The following MAGI2 variants were observed in gnomAD, a reference collection of about 807,000 sequenced individuals.
The protein encoded by MAGI2 is membrane-associated guanylate kinase, WW and PDZ domain-containing protein 2.
MAGI2 carries 35 observed loss-of-function variants against 133.3 expected under a neutral mutation model. The observed-to-expected ratio is 0.26, with a 90% confidence interval of 0.20 to 0.35. The LOEUF is 0.35. MAGI2 is among the 10% of genes least tolerant of loss of function. The pLI, the probability that MAGI2 is intolerant of heterozygous loss-of-function variation, is 1.00. For synonymous variants in MAGI2, 729 were observed against 710.6 expected (o/e 1.03, Z -0.41); for missense variants, 1,636 against 1,863.4 (o/e 0.88, Z 2.25).
chr7:78,741,425 ACAC>A lies in MAGI2; in HGVS notation c.419-114189_419-114187del, dbSNP rs1563439155. Among the ~76,000 whole-genome samples, 254 of 108,836 alleles carry A rather than the reference ACAC, an allele frequency of 2.3e-3. 2 individuals are homozygous for A. The highest frequency in any genetic ancestry group is 9.1e-3 in the Middle Eastern group (2 of 220). The allele number at this position is 108,836 out of a possible 152,430, so 71.4% of individuals were successfully genotyped here. ...CACACACACACACACACACACACACACACGGGAGGGGGGTTAGATCATAAAAGG... is the reference window on the plus strand; with the variant it reads ...CACACACACACACACACACACACACAGGGAGGGGGGTTAGATCATAAAAGG... On this transcript the variant is annotated intron_variant, in intron 2 of 21. Transcript: ENST00000354212.
chr7:79,072,382 T>C (rs1422951190), intron 1 of MAGI2, among the ~76,000 whole-genome samples: 2 of 152,200 alleles, frequency 1.3e-5, no homozygotes, highest in African/African-American at 4.8e-5. Flanking sequence ...CCTTCTTTGG[T>C]AAATTGAAGG....
chr7:79,030,760 TCC>T (rs1810488335), intron 1 of MAGI2, among the ~76,000 whole-genome samples: 5 of 152,172 alleles, frequency 3.3e-5, no homozygotes, highest in Non-Finnish European at 5.9e-5. Flanking sequence ...AAAACAGAAA[TCC>T]CAGAATTATT....
intron 20 of MAGI2, among the ~76,000 whole-genome samples, chr7:78,085,604 A>G (rs537175542): frequency 6.6e-6 from 1 of 151,110 alleles, no homozygotes; most frequent in Admixed American, 6.6e-5. Context: ...ATCAAACCCA[A>G]AAAAGTCCCA....
chr7:78,988,848 G>A (rs1677786665), intron 2 of MAGI2, among the ~76,000 whole-genome samples: 2 of 152,028 alleles, frequency 1.3e-5, no homozygotes, highest in Non-Finnish European at 2.9e-5. Context: ...ATATGGGGAA[G>A]GATACGTTAG....
At chr7:79,336,874 A>T (rs1457893805) in intron 1 of MAGI2, among the ~76,000 whole-genome samples, 2 of 152,100 alleles carry the variant, frequency 1.3e-5, no homozygotes, top group Non-Finnish European at 2.9e-5. Flanking sequence ...GTCAAATGAT[A>T]CAAAGTAGCA....
chr7:78,393,771 C>T (rs924167004), intron 6 of MAGI2, among the ~76,000 whole-genome samples: 4 of 152,042 alleles, frequency 2.6e-5, no homozygotes, highest in Non-Finnish European at 5.9e-5. Flanking sequence ...AGTATGTGCA[C>T]GACATTGCCT....
intron 2 of MAGI2, among the ~76,000 whole-genome samples, chr7:78,753,733 C>A (rs1161601666): frequency 4.1e-5 from 6 of 148,120 alleles, no homozygotes; most frequent in Non-Finnish European, 7.6e-5. Flanking sequence ...AAAAAAAAAT[C>A]AAATCATAAC....
chr7:79,195,595 C>T (rs1181772521), intron 1 of MAGI2, among the ~76,000 whole-genome samples: 1 of 151,960 alleles, frequency 6.6e-6, no homozygotes, highest in Non-Finnish European at 1.5e-5. Context: ...TCTTCTCCCT[C>T]TCCCATCTCC....
At chr7:78,185,381 C>T in intron 13 of MAGI2, 1 of 337,688 alleles carries the variant, frequency 3.0e-6, no homozygotes, top group Middle Eastern at 8.2e-4. Context: ...GTTTTTAATC[C>T]AGCCTTTTAC....
chr7:78,939,979 A>G (rs1412762101), intron 2 of MAGI2: 1 of 152,162 alleles, frequency 6.6e-6, no homozygotes, highest in Non-Finnish European at 1.5e-5. Flanking sequence ...ACAGGCAGCC[A>G]CTTGAGCTTA....
Position 78,431,074 on chromosome 7 carries a change from C to CTGTGTGTGTGTGTG in MAGI2, c.1045+58673_1045+58686dup, listed in dbSNP as rs147567944. 9.8e-3 allele frequency among the ~76,000 whole-genome samples: 1,437 copies of CTGTGTGTGTGTGTG among 146,490 alleles called. 31 individuals carry two copies. The highest frequency in any genetic ancestry group is 0.034 in the African/African-American group (1,364 of 39,972). On this transcript the variant is annotated intron_variant, in intron 6 of 21. Coordinates refer to ENST00000354212, the MANE Select transcript of MAGI2 (RefSeq NM_012301.4). The stretch of plus-strand genomic sequence containing the variant: ...TGCCTGTTGGAATCAGTGAGGTAGG[C>CTGTGTGTGTGTGTG]TGTGTGTGTGTGTGTGTGTGTGTGT...
At chr7:78,024,941 C>A (rs1370702812) in intron 21 of MAGI2, among the ~76,000 whole-genome samples, 1 of 152,220 alleles carries the variant, frequency 6.6e-6, no homozygotes, top group African/African-American at 2.4e-5. Context: ...CAGTGATTAT[C>A]TGTATAACAT....
intron 21 of MAGI2, among the ~76,000 whole-genome samples, chr7:78,053,523 A>G (rs1812241856): frequency 1.3e-5 from 2 of 152,274 alleles, no homozygotes; most frequent in South Asian, 2.1e-4. Context: ...TTGAAGGTCA[A>G]AAAGTGAGGC....
At chr7:78,852,011 A>G (rs553404311) in intron 2 of MAGI2, among the ~76,000 whole-genome samples, 7 of 152,184 alleles carry the variant, frequency 4.6e-5, no homozygotes, top group Non-Finnish European at 1.0e-4. Context: ...CACTAGTAGT[A>G]TATGAATGCT....
intron 1 of MAGI2, among the ~76,000 whole-genome samples, chr7:79,422,296 A>C (rs1351776071): frequency 6.6e-6 from 1 of 152,010 alleles, no homozygotes; most frequent in Non-Finnish European, 1.5e-5. Flanking sequence ...TGTACTTAGC[A>C]GGGCAGGATT....
At chr7:78,800,616 A>T (rs1415101587) in intron 2 of MAGI2, among the ~76,000 whole-genome samples, 4 of 152,022 alleles carry the variant, frequency 2.6e-5, no homozygotes, top group African/African-American at 9.7e-5. Context: ...ATACATTTAC[A>T]TTTTTTCTTA....
chr7:78,910,918 A>G (rs59274958), intron 2 of MAGI2, among the ~76,000 whole-genome samples: 5,702 of 152,266 alleles, frequency 0.037, 365 homozygotes, highest in African/African-American at 0.13. Context: ...TTCCTTTGCT[A>G]CATACACACA....
At chr7:79,287,401 T>C (rs1836097860) in intron 1 of MAGI2, among the ~76,000 whole-genome samples, 1 of 152,106 alleles carries the variant, frequency 6.6e-6, no homozygotes, top group Non-Finnish European at 1.5e-5. Context: ...CAAATATATT[T>C]CACCTTAGAC....
At chr7:79,151,708 C>A (rs1213091333) in intron 1 of MAGI2, among the ~76,000 whole-genome samples, 1 of 152,014 alleles carries the variant, frequency 6.6e-6, no homozygotes, top group Non-Finnish European at 1.5e-5. Flanking sequence ...TAACACAGGG[C>A]AGGTAAATTT....
Sources: gnomAD v4.1 joint callset for allele counts (sites outside exome capture counted in the v4.1 genomes callset) on GRCh38, gnomAD v4.1.1 for gene constraint, MANE v1.5 for transcripts, NCBI Gene and HGNC (gene_info 2026-07-23, HGNC 2026-07-21) for gene names.